TG: variants seen among roughly 807,000 people sequenced by gnomAD.
TG encodes thyroid hormones.
TG carries 270 observed loss-of-function variants against 324.7 expected under a neutral mutation model. The observed-to-expected ratio is 0.83, with a 90% CI of 0.75 to 0.92. The LOEUF (loss-of-function observed/expected upper bound fraction) is 0.92, where lower values mean the gene tolerates loss of function less well. TG is among the 40% of genes least tolerant of loss of function. The probability of loss-of-function intolerance (pLI) is 0.00; values close to 1 mark genes in which losing one functional copy is unlikely to be tolerated. For synonymous variants in TG, 1,401 were observed against 1,327.0 expected (o/e 1.06, Z -1.21); for missense variants, 3,591 against 3,456.4 (o/e 1.04, Z -0.98).
rs775790500 is a variant in TG at position 132,906,792 on chromosome 8, T to C, written c.3739T>C (p.Leu1247=). ...PTGSAMQQCQ[L]LCRQGSWSVF... ...AGGCTCTGCCATGCAGCAGTGCCAATTGCTGTGCCGCCAGGGCTCCTGGAG... is the reference window on the plus strand; with the variant it reads ...AGGCTCTGCCATGCAGCAGTGCCAACTGCTGTGCCGCCAGGGCTCCTGGAG... Residue 1247 remains leucine (L), a synonymous_variant, in exon 17 of 48, where the codon TTG becomes CTG. Transcript: ENST00000220616. 1.1e-5 allele frequency: 17 copies of C among 1,614,078 alleles called. No homozygotes were observed. In the Admixed American group the frequency reaches 1.7e-4, roughly 16 times the overall value.
At chr8:133,078,405 T>A (rs1165411850) in intron 41 of TG, among the ~76,000 whole-genome samples, 1 of 152,090 alleles carries the variant, frequency 6.6e-6, no homozygotes, top group African/African-American at 2.4e-5. Context: ...GTATTGTGAG[T>A]TCGCTTCCAT....
chr8:132,923,045 A>G (rs551031584), intron 21 of TG, among the ~76,000 whole-genome samples: 1 of 152,280 alleles, frequency 6.6e-6, no homozygotes, highest in Non-Finnish European at 1.5e-5. Flanking sequence ...GGCCCAGATG[A>G]GTAAAGCTTG....
chr8:133,073,365 A>T (rs1184538939), intron 41 of TG: 6 of 151,806 alleles, frequency 4.0e-5, no homozygotes, highest in Non-Finnish European at 8.8e-5. Flanking sequence ...TCTTCTTCTT[A>T]TTTTTTTTAG....
intron 43 of TG, chr8:133,102,950 A>G (rs552850261): frequency 2.1e-4 from 53 of 255,074 alleles, no homozygotes; most frequent in Non-Finnish European, 2.1e-4. Flanking sequence ...GGAAAGCAGC[A>G]CCTGGCAGCC....
chr8:132,953,418 A>T (rs536691409), intron 27 of TG, among the ~76,000 whole-genome samples: 1 of 152,298 alleles, frequency 6.6e-6, no homozygotes, highest in Non-Finnish European at 1.5e-5. Context: ...GGGGTGAGAG[A>T]TACAGAGATT....
chr8:133,022,175 C>T, intron 40 of TG, 25 bp downstream of exon 40: 1 of 1,613,702 alleles, frequency 6.2e-7, no homozygotes, highest in Non-Finnish European at 8.5e-7. Flanking sequence ...CTGGTGGGAG[C>T]TGCTGACCCC....
At chr8:133,098,181 G>A (rs1186940727) in intron 43 of TG, among the ~76,000 whole-genome samples, 1 of 152,150 alleles carries the variant, frequency 6.6e-6, no homozygotes, top group Non-Finnish European at 1.5e-5. Context: ...CTCCTCCACT[G>A]CCTCAGAGTT....
chr8:133,040,184 G>A, intron 41 of TG: 2 of 1,548,670 alleles, frequency 1.3e-6, no homozygotes, highest in East Asian at 2.4e-5. Flanking sequence ...CTCAGCCAGT[G>A]TGGGGTTCAG....
chr8:133,100,061 T>A (rs2131676867), intron 43 of TG, among the ~76,000 whole-genome samples: 1 of 152,342 alleles, frequency 6.6e-6, no homozygotes, highest in Middle Eastern at 3.4e-3. Context: ...AGAGCCTATT[T>A]GATGTGACCT....
chr8:133,039,869 C>A (rs1209255535), intron 41 of TG: 48 of 1,452,358 alleles, frequency 3.3e-5, no homozygotes, highest in Non-Finnish European at 4.1e-5. Context: ...CCAGTTTCAG[C>A]AGGGCTGGCT....
chr8:133,020,306 T>G (rs1835444574), intron 39 of TG, among the ~76,000 whole-genome samples: 1 of 152,114 alleles, frequency 6.6e-6, no homozygotes, highest in Non-Finnish European at 1.5e-5. Context: ...GTTACCTCAG[T>G]CCAGATGGGC....
At chr8:133,019,311 GTCT>G (rs2130926628) in intron 38 of TG, among the ~76,000 whole-genome samples, 1 of 152,336 alleles carries the variant, frequency 6.6e-6, no homozygotes, top group Non-Finnish European at 1.5e-5. Context: ...GGCTTTCATT[GTCT>G]TCTTCTCTAT....
intron 23 of TG, among the ~76,000 whole-genome samples, chr8:132,931,167 AC>A (rs529588701): frequency 2.6e-5 from 4 of 152,184 alleles, no homozygotes; most frequent in Non-Finnish European, 5.9e-5. Flanking sequence ...CTGTGACTTC[AC>A]TTGGTCTTCC....
At chr8:133,075,841 ACTTGGTGAGC>A (rs1338018766) in intron 41 of TG, among the ~76,000 whole-genome samples, 1 of 152,120 alleles carries the variant, frequency 6.6e-6, no homozygotes, top group Non-Finnish European at 1.5e-5. Context: ...AAATGTTAAT[ACTTGGTGAGC>A]CTAGGTGAAG....
Position 133,095,122 on chromosome 8 carries a change from G to T in TG, c.7318G>T (p.Val2440Phe). Residue 2440 changes from valine to phenylalanine, a missense_variant, in exon 42 of 48, where the codon GTC (valine) becomes TTC (phenylalanine). By Grantham distance (50) the Val-to-Phe change is conservative (BLOSUM62 -1). Coordinates refer to ENST00000220616, the MANE Select transcript of TG (RefSeq NM_003235.5). Reference sequence around the variant, plus strand: ...GCAGGCAATTGCTTTGGCAAAGGAGGTCAGTTGCCCCATGTCATCCAGCCA... The same window carrying T: ...GCAGGCAATTGCTTTGGCAAAGGAGTTCAGTTGCCCCATGTCATCCAGCCA... ...QQQAIALAKE[V>F]SCPMSSSQEV... 6.2e-7 allele frequency: 1 copy of T among 1,614,216 alleles called. No individual in the cohort carries two copies. The highest frequency in any genetic ancestry group is 8.5e-7 in the Non-Finnish European group (1 of 1,180,030).
At position 133,095,064 on chromosome 8, in the gene TG, G is replaced by T. The variant is rs149678808; in HGVS notation, c.7260G>T (p.Pro2420=). ...AVLMGGSALS[P]AAVISHERAQ... The stretch of plus-strand genomic sequence containing the variant: ...TCCAGGGAGGCTCCGCACTCTCCCC[G>T]GCCGCCGTCATCAGCCATGAGAGGG... Residue 2420 remains proline, a synonymous_variant, in exon 42 of 48, where the codon CCG becomes CCT. Transcript: ENST00000220616. 1 of 1,613,684 alleles carries T rather than the reference G, an allele frequency of 6.2e-7. No individual in the cohort carries two copies.
chr8:132,950,511 C>T (rs1523071), intron 27 of TG, among the ~76,000 whole-genome samples: 79,028 of 152,062 alleles, frequency 0.52, 21,897 homozygotes, highest in Non-Finnish European at 0.61. Flanking sequence ...TTCCATGTCA[C>T]CTCCTCCAAG....
chr8:132,947,476 G>C (rs969808268), intron 26 of TG, among the ~76,000 whole-genome samples: 1 of 152,302 alleles, frequency 6.6e-6, no homozygotes, highest in East Asian at 1.9e-4. Context: ...GCCAGCAGAA[G>C]AGAAAAGGAC....
At chr8:132,943,139 T>C (rs1043127539) in intron 26 of TG, among the ~76,000 whole-genome samples, 1 of 152,150 alleles carries the variant, frequency 6.6e-6, no homozygotes, top group Non-Finnish European at 1.5e-5. Flanking sequence ...TGATACAATT[T>C]GGATGTTTGT....
Sources: allele counts gnomAD v4.1 joint callset (sites outside exome capture counted in the v4.1 genomes callset), GRCh38; gene constraint gnomAD v4.1.1; transcripts MANE v1.5; gene names NCBI Gene and HGNC (gene_info 2026-07-23, HGNC 2026-07-21).